PPP1R42: variants seen among roughly 807,000 people sequenced by gnomAD.
PPP1R42 encodes the protein protein phosphatase 1 regulatory subunit 42, also known as leucine rich repeat containing 67.
PPP1R42 carries 34 observed loss-of-function variants against 31.0 expected under a neutral mutation model. The observed-to-expected ratio is 1.10, with a 90% CI of 0.83 to 1.46. The LOEUF (loss-of-function observed/expected upper bound fraction) is 1.46. PPP1R42 is among the 40% of genes most tolerant of loss of function. The pLI, the probability that PPP1R42 is intolerant of heterozygous loss-of-function variation, is 0.00. For missense variants in PPP1R42, 268 were observed against 303.0 expected (o/e 0.88, Z 0.86); for synonymous variants, 103 against 109.8 (o/e 0.94, Z 0.39).
intron 6 of PPP1R42, chr8:66,985,574 G>A: frequency 1.5e-6 from 2 of 1,347,816 alleles, no homozygotes; most frequent in Non-Finnish European, 2.1e-6. Context: ...CCTGGCTTCA[G>A]TGCCAGCCCG....
intron 5 of PPP1R42, among the ~76,000 whole-genome samples, chr8:66,991,155 C>T (rs1815178062): frequency 6.6e-6 from 1 of 152,104 alleles, no homozygotes; most frequent in African/African-American, 2.4e-5. Flanking sequence ...ACTTTACAGA[C>T]TTAAAAACTA....
chr8:66,967,462 C>T (rs995412634), intron 7 of PPP1R42, among the ~76,000 whole-genome samples: 4 of 152,120 alleles, frequency 2.6e-5, no homozygotes, highest in African/African-American at 4.8e-5. Context: ...GCAAAATTTG[C>T]AAGTGAGTTT....
chr8:66,990,022 T>A (rs536643887), intron 5 of PPP1R42, among the ~76,000 whole-genome samples: 1 of 152,352 alleles, frequency 6.6e-6, no homozygotes, highest in South Asian at 2.1e-4. Context: ...CTTCTTGACC[T>A]ATTGACAAAT....
intron 5 of PPP1R42, among the ~76,000 whole-genome samples, chr8:67,008,489 C>T (rs1330109186): frequency 6.6e-6 from 1 of 152,114 alleles, no homozygotes; most frequent in South Asian, 2.1e-4. Context: ...AGGTGGATCA[C>T]CTGAGGTTAG....
chr8:66,989,812 T>G (rs1388132833), intron 5 of PPP1R42, among the ~76,000 whole-genome samples: 1 of 152,212 alleles, frequency 6.6e-6, no homozygotes, highest in Non-Finnish European at 1.5e-5. Flanking sequence ...CTGTGTGACC[T>G]TAGGCAAATA....
chr8:66,970,704 C>A, intron 7 of PPP1R42: 1 of 422,102 alleles, frequency 2.4e-6, no homozygotes, highest in South Asian at 1.9e-5. Context: ...TACCTACTGC[C>A]TCTGGGACTT....
At chr8:67,015,586 G>T (rs976916525) in intron 2 of PPP1R42, among the ~76,000 whole-genome samples, 1 of 149,818 alleles carries the variant, frequency 6.7e-6, no homozygotes, top group Non-Finnish European at 1.5e-5. Flanking sequence ...ATATGAAAAA[G>T]AACATCAATT....
Position 67,009,834 on chromosome 8 carries a change from C to T in PPP1R42, c.552+881G>A, listed in dbSNP as rs538844909. ...CAGGTAATAGGTCTGAATTTGGAAACAAGGTCGACGTAACATTTTTAGGGT... is the reference window on the plus strand; with the variant it reads ...CAGGTAATAGGTCTGAATTTGGAAATAAGGTCGACGTAACATTTTTAGGGT... On this transcript the variant is annotated intron_variant, in intron 5 of 7. Transcript: ENST00000685739. Among the ~76,000 whole-genome samples, 3 of 152,266 alleles carry T rather than the reference C, an allele frequency of 2.0e-5. No homozygotes were observed. The South Asian group carries it at 6.2e-4, about 32-fold the overall frequency.
intron 5 of PPP1R42, among the ~76,000 whole-genome samples, chr8:66,994,127 T>A (rs900455506): frequency 2.6e-4 from 39 of 152,104 alleles, no homozygotes; most frequent in African/African-American, 9.4e-4. Context: ...AGGATCTTGG[T>A]GGTAAGGAGT....
At chr8:66,989,747 A>G (rs1815134256) in intron 5 of PPP1R42, among the ~76,000 whole-genome samples, 1 of 152,244 alleles carries the variant, frequency 6.6e-6, no homozygotes, top group Non-Finnish European at 1.5e-5. Flanking sequence ...TGAAAATATA[A>G]GACATTGTTT....
intron 6 of PPP1R42, chr8:66,985,068 T>A: frequency 1.5e-6 from 2 of 1,358,218 alleles, no homozygotes; most frequent in Non-Finnish European, 2.1e-6. Context: ...ACCACTCAAT[T>A]TCAGGGATAT....
chr8:66,970,365 G>A (rs1199728749), intron 7 of PPP1R42, among the ~76,000 whole-genome samples: 3 of 151,820 alleles, frequency 2.0e-5, no homozygotes, highest in African/African-American at 4.8e-5. Context: ...TGAACTCCTG[G>A]ACTAAAATGA....
At chr8:67,004,844 A>T (rs1311198656) in intron 5 of PPP1R42, among the ~76,000 whole-genome samples, 1 of 152,164 alleles carries the variant, frequency 6.6e-6, no homozygotes, top group East Asian at 1.9e-4. Flanking sequence ...TGCAAGGGCA[A>T]GGCTTGTTGA....
At chr8:67,001,709 C>T (rs1305497006) in intron 5 of PPP1R42, among the ~76,000 whole-genome samples, 2 of 152,144 alleles carry the variant, frequency 1.3e-5, no homozygotes, top group African/African-American at 4.8e-5. Context: ...CAACAATATA[C>T]CACTATTTTC....
intron 2 of PPP1R42, among the ~76,000 whole-genome samples, chr8:67,015,821 G>A (rs866174198): frequency 4.2e-4 from 64 of 152,142 alleles, no homozygotes; most frequent in African/African-American, 1.3e-3. Context: ...ATAGACAAGC[G>A]GTAAAGTGAA....
intron 7 of PPP1R42, chr8:66,971,232 TA>T: frequency 1.1e-6 from 1 of 909,430 alleles, no homozygotes; most frequent in South Asian, 2.8e-5. Flanking sequence ...ATCTAAAAAT[TA>T]AATAAAGCCA....
intron 5 of PPP1R42, among the ~76,000 whole-genome samples, chr8:66,998,589 G>T (rs865977832): frequency 4.6e-5 from 7 of 152,300 alleles, no homozygotes; most frequent in Middle Eastern, 3.4e-3. Context: ...CAACTCTAAG[G>T]TTGAGTAATG....
At chr8:66,968,128 A>C (rs1019108069) in intron 7 of PPP1R42, among the ~76,000 whole-genome samples, 1 of 152,170 alleles carries the variant, frequency 6.6e-6, no homozygotes. Flanking sequence ...TCAGCCTTTA[A>C]ATAAAAAATA....
intron 7 of PPP1R42, among the ~76,000 whole-genome samples, chr8:66,978,472 C>T (rs1814737772): frequency 6.6e-6 from 1 of 152,136 alleles, no homozygotes; most frequent in African/African-American, 2.4e-5. Flanking sequence ...ACTCTGTCAC[C>T]AGGCTAGAGT....
Sources: gnomAD v4.1 joint callset for allele counts (sites outside exome capture counted in the v4.1 genomes callset) on GRCh38, gnomAD v4.1.1 for gene constraint, MANE v1.5 for transcripts, NCBI Gene and HGNC (gene_info 2026-07-23, HGNC 2026-07-21) for gene names.